Variants in ZNF397 observed in about 807,000 individuals in gnomAD.
The protein encoded by ZNF397 is zinc finger protein 397.
In ZNF397, 38 loss-of-function variants were observed where a neutral mutation model predicts 50.6. That is an observed-to-expected ratio of 0.75 (90% CI 0.58 to 0.98). The LOEUF (loss-of-function observed/expected upper bound fraction) is 0.98, where lower values mean the gene tolerates loss of function less well. Ranked by LOEUF, ZNF397 falls within the 50% of genes least tolerant of loss-of-function variation. ZNF397 has a pLI of 0.00. For synonymous variants in ZNF397, 228 were observed against 215.2 expected, an observed-to-expected ratio of 1.06 and a Z score of -0.52; for missense variants, 624 against 624.1, an observed-to-expected ratio of 1.00 and a Z score of 0.00.
At chr18:35,243,343 T>C in intron 3 of ZNF397, 50 bp downstream of exon 3, 1 of 1,613,872 alleles carries the variant, frequency 6.2e-7, no homozygotes, top group East Asian at 2.2e-5. Flanking sequence ...GGCCTCTGTT[T>C]TTGAGAATGC....
exon 6 of ZNF397, chr18:35,258,351 C>A: frequency 5.3e-6 from 1 of 187,464 alleles, no homozygotes. Context: ...AACATACTGC[C>A]ACTATGAAGT....
At chr18:35,253,767 A>C (rs761675671), downstream of ZNF397, 1 of 1,614,134 alleles carries the variant, frequency 6.2e-7, no homozygotes, top group East Asian at 2.2e-5. Context: ...GCCTTCCCAC[A>C]TTCTCCACAT....
chr18:35,246,339 C>G lies in ZNF397; in HGVS notation c.*29C>G. ...GTGAATACTGTGAATAGTGTAAATA[C>G]TTCAGTCAGATTTTTAAGTTTGTTA... On this transcript the variant is annotated 3_prime_UTR_variant, in exon 4 of 4. Transcript: ENST00000330501. 1 of 1,483,608 alleles carries G rather than the reference C, an allele frequency of 6.7e-7. No homozygotes were observed. Among genetic ancestry groups the G allele is most frequent in the Non-Finnish European group, 8.9e-7 (1 of 1,118,552 alleles). The allele number at this position is 1,483,608 out of a possible 1,614,324, so 91.9% of individuals were successfully genotyped here. A position where few individuals can be genotyped will look rare whatever the true frequency, so the allele number is the denominator to read the frequency against.
chr18:35,245,801 GA>G lies in ZNF397; in HGVS notation c.1097del (p.Glu366GlyfsTer75). On this transcript the variant is annotated frameshift_variant, in exon 4 of 4. Transcript: ENST00000330501. LOFTEE classifies it high-confidence loss of function. ...TAGACATCGGAAAATCCATACTGGT[GA>G]GAAAGCTTGTAAATGTAATGAGTGT... ...LIRHRKIHTG[E>X]KACKCNECGK... The G allele has an allele frequency of 1.3e-6, 2 of 1,552,218 alleles. No individual in the cohort carries two copies. Among genetic ancestry groups the G allele is most frequent in the Non-Finnish European group, 1.7e-6 (2 of 1,147,180 alleles).
downstream of ZNF397, chr18:35,251,442 C>T (rs989976330): frequency 6.6e-6 from 1 of 152,260 alleles, no homozygotes; most frequent in Admixed American, 6.5e-5. Flanking sequence ...GATAACTGCA[C>T]AACCTCTGGA....
intron 3 of ZNF397, among the ~76,000 whole-genome samples, chr18:35,244,496 G>T (rs1259761413): frequency 3.3e-5 from 5 of 152,116 alleles, no homozygotes; most frequent in Admixed American, 6.5e-5. Flanking sequence ...GAAGCCAAGG[G>T]TAGAGAGTTT....
At chr18:35,252,751 G>A (rs1391060586), downstream of ZNF397, 2 of 152,154 alleles carry the variant, frequency 1.3e-5, no homozygotes, top group East Asian at 1.9e-4. Context: ...TGTAATTACT[G>A]TTTAGTATAT....
chr18:35,250,793 A>G (rs2043566446), downstream of ZNF397, among the ~76,000 whole-genome samples: 1 of 152,206 alleles, frequency 6.6e-6, no homozygotes, highest in South Asian at 2.1e-4. Flanking sequence ...TGGTGAACAC[A>G]GGACGTGTTT....
At position 35,243,207 on chromosome 18, in the gene ZNF397, G is replaced by C. The variant is rs147427183; in HGVS notation, c.470G>C (p.Arg157Thr). ...CCATGGAAGGATTTAACATGTCTCA[G>C]AGCATCCCAAGAGTCAACAGACATC... ...AVPWKDLTCL[R>T]ASQESTDIHL... The change falls in exon 3 of 4, where the codon AGA (arginine) becomes ACA (threonine). Residue 157 changes from arginine to threonine, a missense_variant. By Grantham distance (71) the Arg-to-Thr change is moderately conservative. Coordinates refer to ENST00000330501, the MANE Select transcript of ZNF397 (RefSeq NM_001135178.3). 21 of 1,614,210 alleles carry C rather than the reference G, an allele frequency of 1.3e-5. No individual in the cohort carries two copies. The highest frequency in any genetic ancestry group is 1.6e-4 in the Middle Eastern group (1 of 6,062).
At position 35,246,333 on chromosome 18, in the gene ZNF397, TA is replaced by T; in HGVS notation, c.*26del. The stretch of plus-strand genomic sequence containing the variant: ...TAATTTGTGAATACTGTGAATAGTG[TA>T]AATACTTCAGTCAGATTTTTAAGTT... On this transcript the variant is annotated 3_prime_UTR_variant, in exon 4 of 4. Coordinates refer to ENST00000330501, the MANE Select transcript of ZNF397 (RefSeq NM_001135178.3). 6.7e-7 allele frequency: 1 copy of T among 1,490,234 alleles called. No homozygotes were observed. The highest frequency in any genetic ancestry group is 1.4e-5 in the South Asian group (1 of 73,632). 92.3% of individuals were successfully genotyped at this position (1,490,234 alleles called of 1,614,324 possible).
chr18:35,254,217 C>T, downstream of ZNF397: 3 of 1,614,122 alleles, frequency 1.9e-6, no homozygotes, highest in Non-Finnish European at 2.5e-6. Flanking sequence ...GCAGCATTTC[C>T]CTTTTGCTTC....
chr18:35,241,820 C>T (rs1030420664), intron 1 of ZNF397: 4 of 152,000 alleles, frequency 2.6e-5, no homozygotes, highest in Non-Finnish European at 5.9e-5. Flanking sequence ...ACACCAAATG[C>T]GATCAAATGA....
Position 35,241,095 on chromosome 18 carries a change from C to A in ZNF397, c.-95C>A, listed in dbSNP as rs933948473. On this transcript the variant is annotated 5_prime_UTR_variant, in exon 1 of 4. Coordinates refer to ENST00000330501, the MANE Select transcript of ZNF397 (RefSeq NM_001135178.3). ...GGGTGGGTGGCTCATTTCCTGGCCG[C>A]TCCTGGGCTTCGCGGTGAGGGACGT... is the stretch of plus-strand genomic sequence containing the variant. The A allele has an allele frequency of 6.6e-6, 1 of 152,386 alleles. No homozygotes were observed. The highest frequency in any genetic ancestry group is 2.4e-5 in the African/African-American group (1 of 41,456). The allele number at this position is 152,386 out of a possible 1,614,324, so 9.4% of individuals were successfully genotyped here.
chr18:35,253,109 T>C (rs767727805), downstream of ZNF397: 96 of 192,634 alleles, frequency 5.0e-4, no homozygotes, highest in African/African-American at 2.0e-3. Flanking sequence ...TCAGGATCTC[T>C]GCCCCAATCC....
chr18:35,245,522 A>G lies in ZNF397; in HGVS notation c.817A>G (p.Ile273Val), dbSNP rs1454469466. Residue 273 changes from isoleucine to valine, a missense_variant, in exon 4 of 4, where the codon ATA (isoleucine) becomes GTA (valine). Transcript: ENST00000330501. ...ERCLILTTDSIMCQKVPPEER... is the reference protein window; with the variant it reads ...ERCLILTTDSVMCQKVPPEER... ...ATGCTTGATTCTAACTACAGACTCT[A>G]TAATGTGTCAGAAAGTTCCTCCAGA... The G allele has an allele frequency of 6.4e-6, 10 of 1,552,322 alleles. No individual in the cohort carries two copies. Among genetic ancestry groups the G allele is most frequent in the East Asian group, 2.4e-5 (1 of 40,932 alleles).
At chr18:35,243,884 T>C (rs989659891) in intron 3 of ZNF397, 1 of 159,182 alleles carries the variant, frequency 6.3e-6, no homozygotes, top group African/African-American at 2.4e-5. Flanking sequence ...TGACAGGTGG[T>C]AAGAGAAGAA....
intron 1 of ZNF397, among the ~76,000 whole-genome samples, chr18:35,242,070 A>G (rs2143575203): frequency 6.6e-6 from 1 of 152,356 alleles, no homozygotes; most frequent in East Asian, 1.9e-4. Context: ...CATGTTAAAG[A>G]TAGACTTTTC....
At chr18:35,253,193 G>A (rs1323977629), downstream of ZNF397, 4 of 333,110 alleles carry the variant, frequency 1.2e-5, no homozygotes, top group Non-Finnish European at 1.1e-5. Flanking sequence ...GGATATTGAT[G>A]AGTCTCATCC....
At position 35,243,290 on chromosome 18, in the gene ZNF397, A is replaced by T; in HGVS notation, c.553A>T (p.Ser185Cys). ...CTGGAAACCATGCCTTTCCCCTAAAAGTGGTGAGGAATGGGAAATCATCTG... is the reference window on the plus strand; with the variant it reads ...CTGGAAACCATGCCTTTCCCCTAAATGTGGTGAGGAATGGGAAATCATCTG... ...KSWKPCLSPK[S>C]DCENSETATK... Residue 185 changes from serine (S) to cysteine (C), a missense_variant, in exon 3 of 4, where the codon AGT becomes TGT. By Grantham distance (112) the Ser-to-Cys change is moderately radical. Coordinates refer to ENST00000330501, the MANE Select transcript of ZNF397 (RefSeq NM_001135178.3). 1 of 1,614,198 alleles carries T rather than the reference A, an allele frequency of 6.2e-7. No homozygotes were observed. The highest frequency in any genetic ancestry group is 1.3e-5 in the African/African-American group (1 of 75,040).
Sources: gnomAD v4.1 joint callset for allele counts (sites outside exome capture counted in the v4.1 genomes callset) on GRCh38, gnomAD v4.1.1 for gene constraint, MANE v1.5 for transcripts, NCBI Gene and HGNC (gene_info 2026-07-23, HGNC 2026-07-21) for gene names.